VPS41: variants seen among roughly 807,000 people sequenced by gnomAD.
The protein encoded by VPS41 is vacuolar protein sorting-associated protein 41 homolog.
A neutral mutation model predicts 130.9 loss-of-function variants in VPS41; 85 were observed. The observed-to-expected ratio is 0.65, with a 90% confidence interval of 0.55 to 0.78. The LOEUF (loss-of-function observed/expected upper bound fraction) is 0.78, where lower values mean the gene tolerates loss of function less well. Ranked by LOEUF, VPS41 falls within the 30% of genes least tolerant of loss-of-function variation. VPS41 has a pLI of 0.00. For synonymous variants in VPS41, 335 were observed against 332.9 expected (o/e 1.01, Z -0.07); for missense variants, 874 against 1,018.7 (o/e 0.86, Z 1.93).
chr7:38,900,643 T>C lies in VPS41; in HGVS notation c.22-2514A>G, dbSNP rs888571610. 2.6e-5 allele frequency among the ~76,000 whole-genome samples: 4 copies of C among 152,328 alleles called. 1 individual carries two copies. In the South Asian group the frequency reaches 8.3e-4, roughly 32 times the overall value. On this transcript the variant is annotated intron_variant, in intron 1 of 28. Coordinates refer to ENST00000310301, the MANE Select transcript of VPS41 (RefSeq NM_014396.4). The stretch of plus-strand genomic sequence containing the variant: ...ACCAGAAAGCATGCAGTGCCAGAAT[T>C]TGACACCGTGAGGCAGGAAGATCTG...
intron 7 of VPS41, among the ~76,000 whole-genome samples, chr7:38,809,569 T>C (rs1784904067): frequency 6.6e-6 from 1 of 152,192 alleles, no homozygotes; most frequent in Non-Finnish European, 1.5e-5. Context: ...AGACCACTGC[T>C]GGAAGCTTAT....
intron 9 of VPS41, among the ~76,000 whole-genome samples, chr7:38,795,012 C>G (rs1246058462): frequency 1.8e-4 from 27 of 152,090 alleles, no homozygotes; most frequent in Admixed American, 1.8e-3. Context: ...GGTCTCTACT[C>G]TATCAAATTA....
At chr7:38,738,964 G>A (rs1450179607) in intron 25 of VPS41, among the ~76,000 whole-genome samples, 1 of 152,168 alleles carries the variant, frequency 6.6e-6, no homozygotes, top group East Asian at 1.9e-4. Context: ...TTTAGAAAAC[G>A]TGAAACTAAA....
chr7:38,811,255 T>C (rs920557357), intron 7 of VPS41, among the ~76,000 whole-genome samples: 1 of 152,090 alleles, frequency 6.6e-6, no homozygotes, highest in African/African-American at 2.4e-5. Context: ...TACAAGTACA[T>C]ACCACACAAC....
chr7:38,795,725 G>A, intron 8 of VPS41, 114 bp from the exon 9 acceptor site: 1 of 945,870 alleles, frequency 1.1e-6, no homozygotes, highest in Non-Finnish European at 1.5e-6. Context: ...TATTAGCAGT[G>A]TTTACTGAGC....
chr7:38,763,275 G>A (rs566936359), intron 17 of VPS41, among the ~76,000 whole-genome samples, 180 bp downstream of exon 17: 101 of 152,118 alleles, frequency 6.6e-4, no homozygotes, highest in Non-Finnish European at 6.8e-4. Context: ...CACGGACTAA[G>A]TGTTTTCACT....
At chr7:38,735,632 A>C (rs1795748207) in intron 25 of VPS41, among the ~76,000 whole-genome samples, 1 of 152,264 alleles carries the variant, frequency 6.6e-6, no homozygotes, top group African/African-American at 2.4e-5. Flanking sequence ...AGCATGAACA[A>C]AGGGCTGTGT....
Position 38,819,673 on chromosome 7 carries a change from G to A in VPS41, c.384+1530C>T, listed in dbSNP as rs117216271. On this transcript the variant is annotated intron_variant, in intron 6 of 28. Transcript: ENST00000310301. ...CGACACTGCTGACCACTTCCTCCTT[G>A]TAGAAACCCTCTCTCCCCTGGCTTC... is the stretch of plus-strand genomic sequence containing the variant. Among the ~76,000 whole-genome samples the A allele has an allele frequency of 6.1e-3, 932 of 152,078 alleles. 8 individuals are homozygous for A. The highest frequency in any genetic ancestry group is 0.024 in the Middle Eastern group (7 of 292).
At chr7:38,852,270 C>G (rs958681727) in intron 4 of VPS41, among the ~76,000 whole-genome samples, 1 of 152,156 alleles carries the variant, frequency 6.6e-6, no homozygotes, top group Non-Finnish European at 1.5e-5. Flanking sequence ...CCAGTAAGAT[C>G]AGACCTCCCG....
chr7:38,772,925 GA>G (rs977974018), intron 12 of VPS41, among the ~76,000 whole-genome samples: 3 of 149,188 alleles, frequency 2.0e-5, no homozygotes, highest in Admixed American at 1.3e-4. Context: ...TAAAAAACTT[GA>G]AAAAAAAATA....
intron 2 of VPS41, among the ~76,000 whole-genome samples, chr7:38,877,891 T>G (rs1322602634): frequency 6.6e-6 from 1 of 152,176 alleles, no homozygotes; most frequent in East Asian, 1.9e-4. Flanking sequence ...TGCCCAAGAC[T>G]GGGGCTGAGC....
chr7:38,830,215 C>T (rs780806221), intron 5 of VPS41, 39 bp downstream of exon 5: 15 of 1,367,880 alleles, frequency 1.1e-5, no homozygotes, highest in East Asian at 4.6e-5. Flanking sequence ...CTGGGGCTGG[C>T]GCCACAGAAC....
intron 5 of VPS41, among the ~76,000 whole-genome samples, chr7:38,822,828 G>A (rs76599374): frequency 0.024 from 3,719 of 152,224 alleles, 161 homozygotes; most frequent in African/African-American, 0.084. Flanking sequence ...AATTCATTAC[G>A]TTGAAACCTA....
chr7:38,759,298 T>C (rs1224710314), intron 17 of VPS41, among the ~76,000 whole-genome samples: 7 of 152,190 alleles, frequency 4.6e-5, no homozygotes, highest in African/African-American at 1.7e-4. Flanking sequence ...GCAGAACTAA[T>C]TGCTTTCTTG....
At chr7:38,830,185 C>T (rs779482789) in intron 5 of VPS41, 69 bp downstream of exon 5, 21 of 932,208 alleles carry the variant, frequency 2.3e-5, no homozygotes, top group Admixed American at 3.4e-5. Context: ...ATATAGTAAG[C>T]AAGGTGCTGT....
intron 24 of VPS41, among the ~76,000 whole-genome samples, chr7:38,742,629 C>T (rs1055563724): frequency 3.3e-5 from 5 of 152,062 alleles, no homozygotes; most frequent in African/African-American, 7.2e-5. Flanking sequence ...ATCACTTTGC[C>T]TCTTGAGATC....
intron 17 of VPS41, 149 bp from the exon 18 acceptor site, chr7:38,758,630 T>A (rs374130211): frequency 6.1e-6 from 5 of 823,726 alleles, no homozygotes; most frequent in Admixed American, 2.9e-5. Flanking sequence ...TCTTCTTGTA[T>A]GCTAATGAGC....
chr7:38,824,383 A>G (rs1036785454), intron 5 of VPS41, among the ~76,000 whole-genome samples: 1 of 152,202 alleles, frequency 6.6e-6, no homozygotes, highest in Non-Finnish European at 1.5e-5. Flanking sequence ...AGTCTGCACA[A>G]TTGGCAATGT....
chr7:38,850,757 C>G (rs1048981315), intron 4 of VPS41, among the ~76,000 whole-genome samples: 1 of 152,110 alleles, frequency 6.6e-6, no homozygotes. Context: ...TACACATATA[C>G]TGGCAAAGTA....
Sources: allele counts gnomAD v4.1 joint callset (sites outside exome capture counted in the v4.1 genomes callset), GRCh38; gene constraint gnomAD v4.1.1; transcripts MANE v1.5; gene names NCBI Gene and HGNC (gene_info 2026-07-23, HGNC 2026-07-21).